RAB30: variants seen among roughly 807,000 people sequenced by gnomAD.
RAB30 encodes the protein RAB30, member RAS oncogene family.
RAB30 carries 9 observed loss-of-function variants against 25.1 expected under a neutral mutation model. The observed-to-expected ratio is 0.36, with a 90% CI of 0.22 to 0.63. The LOEUF is 0.63. RAB30 is among the 20% of genes least tolerant of loss of function. The probability of loss-of-function intolerance (pLI) is 0.69; values close to 1 mark genes in which losing one functional copy is unlikely to be tolerated. For synonymous variants in RAB30, 77 were observed against 86.4 expected (o/e 0.89, Z 0.60); for missense variants, 140 against 243.5 (o/e 0.58, Z 2.83).
chr11:83,059,918 G>T (rs1247168960), intron 1 of RAB30, among the ~76,000 whole-genome samples: 1 of 152,036 alleles, frequency 6.6e-6, no homozygotes, highest in African/African-American at 2.4e-5. Context: ...AAGCGGGGGC[G>T]GGGTGGTTGG....
At chr11:83,024,058 G>A (rs1169136202) in intron 1 of RAB30, among the ~76,000 whole-genome samples, 1 of 152,168 alleles carries the variant, frequency 6.6e-6, no homozygotes, top group Non-Finnish European at 1.5e-5. Context: ...TCTTGGGGAA[G>A]GACTGGATTT....
chr11:83,068,192 G>A (rs1431037905), intron 1 of RAB30, among the ~76,000 whole-genome samples: 10 of 151,784 alleles, frequency 6.6e-5, no homozygotes, highest in African/African-American at 2.4e-4. Flanking sequence ...CAGACAATAG[G>A]GAGGCTGAGG....
intron 1 of RAB30, among the ~76,000 whole-genome samples, chr11:83,022,775 G>T (rs1248381196): frequency 6.6e-6 from 1 of 151,920 alleles, no homozygotes; most frequent in Non-Finnish European, 1.5e-5. Context: ...AATACCCCCT[G>T]GTCACAACTG....
intron 1 of RAB30, among the ~76,000 whole-genome samples, chr11:83,004,518 CT>C (rs1326574903): frequency 6.6e-6 from 1 of 152,152 alleles, no homozygotes; most frequent in Non-Finnish European, 1.5e-5. Flanking sequence ...CAAGATATCC[CT>C]GATAAATCCA....
intron 1 of RAB30, among the ~76,000 whole-genome samples, chr11:83,055,542 C>T (rs1293218767): frequency 6.6e-6 from 1 of 152,260 alleles, no homozygotes. Flanking sequence ...CCATTTCTAA[C>T]ACTTATTACT....
At chr11:83,042,744 G>A (rs891804511) in intron 1 of RAB30, among the ~76,000 whole-genome samples, 4 of 152,046 alleles carry the variant, frequency 2.6e-5, no homozygotes, top group African/African-American at 9.7e-5. Flanking sequence ...TAGAATTCTT[G>A]CCCAAAATAT....
At chr11:82,992,736 AACACACACAC>A (rs113845129) in intron 3 of RAB30, among the ~76,000 whole-genome samples, 14 of 131,220 alleles carry the variant, frequency 1.1e-4, no homozygotes, top group South Asian at 2.7e-4. Context: ...CTCTGTCACC[AACACACACAC>A]ACACACACAC....
At chr11:83,058,272 C>A (rs1858496456) in intron 1 of RAB30, among the ~76,000 whole-genome samples, 1 of 152,140 alleles carries the variant, frequency 6.6e-6, no homozygotes, top group African/African-American at 2.4e-5. Flanking sequence ...TAACATTCAT[C>A]CTATACTATT....
intron 1 of RAB30, among the ~76,000 whole-genome samples, chr11:83,059,415 T>C (rs1157900662): frequency 6.6e-6 from 1 of 152,260 alleles, no homozygotes; most frequent in Non-Finnish European, 1.5e-5. Context: ...TAGTTTTCCC[T>C]TGTGTATACA....
intron 1 of RAB30, among the ~76,000 whole-genome samples, chr11:83,058,807 C>A (rs939844851): frequency 6.6e-6 from 1 of 152,234 alleles, no homozygotes; most frequent in African/African-American, 2.4e-5. Context: ...AGTCTCAGAG[C>A]AGTTATGACT....
chr11:83,012,613 G>T (rs1836638181), intron 1 of RAB30, among the ~76,000 whole-genome samples: 1 of 152,036 alleles, frequency 6.6e-6, no homozygotes, highest in African/African-American at 2.4e-5. Flanking sequence ...TACAAATAGG[G>T]ATAATAACAG....
rs1056611070 is a variant in RAB30, at chr11:82,978,642, G to A, written c.*3523C>T. ...TATGAGTCATGAACTGAAACTTGGT[G>A]TGGGATCTGGTGGAATTATGGGCTA... is the stretch of plus-strand genomic sequence containing the variant. On this transcript the variant is annotated 3_prime_UTR_variant, in exon 5 of 5. Coordinates refer to ENST00000527633, the MANE Select transcript of RAB30 (RefSeq NM_001286060.2). The A allele has an allele frequency of 2.6e-5, 4 of 152,212 alleles. No homozygotes were observed. The highest frequency in any genetic ancestry group is 9.6e-5 in the African/African-American group (4 of 41,456). 9.4% of individuals were successfully genotyped at this position (152,212 alleles called of 1,614,324 possible). A position where few individuals can be genotyped will look rare whatever the true frequency, so the allele number is the denominator to read the frequency against.
At chr11:83,029,349 C>T (rs1857798088) in intron 1 of RAB30, among the ~76,000 whole-genome samples, 1 of 151,986 alleles carries the variant, frequency 6.6e-6, no homozygotes. Flanking sequence ...GACACGTTAA[C>T]TTAATCTATC....
At chr11:83,061,422 T>C (rs1455792995) in intron 1 of RAB30, among the ~76,000 whole-genome samples, 1 of 152,296 alleles carries the variant, frequency 6.6e-6, no homozygotes, top group Non-Finnish European at 1.5e-5. Flanking sequence ...ATAAAGGACA[T>C]TGGAACGACT....
intron 1 of RAB30, among the ~76,000 whole-genome samples, chr11:83,008,780 A>G (rs1307376486): frequency 6.6e-6 from 1 of 152,002 alleles, no homozygotes; most frequent in Non-Finnish European, 1.5e-5. Context: ...CTGCACCAAC[A>G]TGGCTCAGGG....
chr11:82,984,573 T>C (rs898989777), intron 4 of RAB30, among the ~76,000 whole-genome samples: 9 of 152,182 alleles, frequency 5.9e-5, no homozygotes, highest in African/African-American at 2.2e-4. Flanking sequence ...ACGGTAGTCT[T>C]GTGAGTCGGA....
At chr11:83,033,849 G>T (rs887979901) in intron 1 of RAB30, among the ~76,000 whole-genome samples, 7 of 151,934 alleles carry the variant, frequency 4.6e-5, no homozygotes, top group African/African-American at 1.7e-4. Flanking sequence ...AGGGTATCAA[G>T]TACCTCCAAA....
At chr11:83,047,509 G>A (rs988206027) in intron 1 of RAB30, among the ~76,000 whole-genome samples, 9 of 152,012 alleles carry the variant, frequency 5.9e-5, no homozygotes, top group Non-Finnish European at 8.8e-5. Flanking sequence ...AAAAATACAC[G>A]ATACCAAAAC....
At chr11:83,016,623 T>G (rs1857444586) in intron 1 of RAB30, among the ~76,000 whole-genome samples, 1 of 152,176 alleles carries the variant, frequency 6.6e-6, no homozygotes, top group Non-Finnish European at 1.5e-5. Flanking sequence ...CAAATAACAT[T>G]GGTAGGCAGT....
Sources: allele counts gnomAD v4.1 joint callset (sites outside exome capture counted in the v4.1 genomes callset), GRCh38; gene constraint gnomAD v4.1.1; transcripts MANE v1.5; gene names NCBI Gene and HGNC (gene_info 2026-07-23, HGNC 2026-07-21).